MBOAT1: variants seen among roughly 807,000 people sequenced by gnomAD.
MBOAT1 encodes the protein membrane-bound glycerophospholipid O-acyltransferase 1.
MBOAT1 carries 67 observed loss-of-function variants against 64.4 expected under a neutral mutation model. That is an observed-to-expected ratio of 1.04 (90% CI 0.85 to 1.27). MBOAT1 has a LOEUF of 1.27. Among genes scored for constraint, MBOAT1 ranks in the 50% most tolerant of loss-of-function variants. The probability of loss-of-function intolerance (pLI) is 0.00; values close to 1 mark genes in which losing one functional copy is unlikely to be tolerated. For synonymous variants in MBOAT1, 229 were observed against 218.9 expected, an observed-to-expected ratio of 1.05 and a Z score of -0.41; for missense variants, 563 against 604.6, an observed-to-expected ratio of 0.93 and a Z score of 0.72.
intron 1 of MBOAT1, among the ~76,000 whole-genome samples, chr6:20,209,730 C>T (rs1371706260): frequency 2.0e-5 from 3 of 152,218 alleles, no homozygotes; most frequent in African/African-American, 4.8e-5. Context: ...GGAGCAAACA[C>T]GTATCAAGGC....
At chr6:20,152,500 C>T in intron 2 of MBOAT1, 124 bp downstream of exon 2, 1 of 987,308 alleles carries the variant, frequency 1.0e-6, no homozygotes, top group South Asian at 1.9e-5. Flanking sequence ...AAGGTATTTA[C>T]AATATAAAAT....
intron 3 of MBOAT1, 94 bp downstream of exon 3, chr6:20,151,091 A>T (rs577204279): frequency 6.7e-6 from 6 of 889,680 alleles, no homozygotes; most frequent in African/African-American, 6.7e-5. Context: ...ACTTGTGGAA[A>T]ATGGGTAAGG....
intron 1 of MBOAT1, among the ~76,000 whole-genome samples, chr6:20,196,357 C>G (rs1762955058): frequency 6.6e-6 from 1 of 152,102 alleles, no homozygotes; most frequent in Non-Finnish European, 1.5e-5. Flanking sequence ...AGACCACATA[C>G]TGTATGATTC....
intron 11 of MBOAT1, 61 bp from the exon 12 acceptor site, chr6:20,109,810 C>G: frequency 6.4e-7 from 1 of 1,556,574 alleles, no homozygotes; most frequent in Non-Finnish European, 8.7e-7. Flanking sequence ...ACAACTTTTA[C>G]TCTGTGCATG....
intron 1 of MBOAT1, among the ~76,000 whole-genome samples, chr6:20,196,613 C>G (rs949501083): frequency 6.6e-6 from 1 of 152,144 alleles, no homozygotes; most frequent in Non-Finnish European, 1.5e-5. Context: ...GTAATCCCAG[C>G]AATTTGGGAG....
In MBOAT1 at chr6:20,101,572, T is replaced by C; in HGVS notation, c.*714A>G. 6.6e-6 allele frequency among the ~76,000 whole-genome samples: 1 copy of C among 152,154 alleles called. No individual in the cohort carries two copies. The highest frequency in any genetic ancestry group is 1.9e-4 in the East Asian group (1 of 5,174). On this transcript the variant is annotated 3_prime_UTR_variant, in exon 13 of 13. Coordinates refer to ENST00000324607, the MANE Select transcript of MBOAT1 (RefSeq NM_001080480.3). ...ACCACTATGACTGAGTATATTCTGA[T>C]TTGAGAAACCTGTGACAAGTCTTCT...
At chr6:20,143,305 G>A (rs903661326) in intron 4 of MBOAT1, among the ~76,000 whole-genome samples, 1 of 152,198 alleles carries the variant, frequency 6.6e-6, no homozygotes, top group African/African-American at 2.4e-5. Context: ...TCTTTACCAT[G>A]TGACCAATCA....
At chr6:20,193,068 A>G (rs1187285208) in intron 1 of MBOAT1, among the ~76,000 whole-genome samples, 3 of 119,446 alleles carry the variant, frequency 2.5e-5, no homozygotes, top group Non-Finnish European at 4.8e-5. Context: ...TGCAGTGGCG[A>G]GATCTCGGCT....
chr6:20,149,654 G>A (rs763595516), intron 3 of MBOAT1, among the ~76,000 whole-genome samples: 5 of 152,152 alleles, frequency 3.3e-5, no homozygotes, highest in Non-Finnish European at 7.3e-5. Flanking sequence ...GCAGGGCACT[G>A]AGAAGAGAGA....
At chr6:20,201,293 C>T (rs1763117252) in intron 1 of MBOAT1, among the ~76,000 whole-genome samples, 2 of 150,662 alleles carry the variant, frequency 1.3e-5, no homozygotes. Context: ...TCTGTATATA[C>T]AGACATGAAT....
At chr6:20,132,888 C>A (rs1389892078) in intron 4 of MBOAT1, among the ~76,000 whole-genome samples, 2 of 152,188 alleles carry the variant, frequency 1.3e-5, no homozygotes. Context: ...CACTTTTAGG[C>A]CACATCCGAT....
chr6:20,118,134 C>T (rs1561748924), intron 9 of MBOAT1, among the ~76,000 whole-genome samples: 1 of 152,060 alleles, frequency 6.6e-6, no homozygotes, highest in African/African-American at 2.4e-5. Flanking sequence ...GACACTGGTA[C>T]TTTCTAGTTG....
At chr6:20,134,057 A>G (rs1345714866) in intron 4 of MBOAT1, among the ~76,000 whole-genome samples, 1 of 152,172 alleles carries the variant, frequency 6.6e-6, no homozygotes, top group Non-Finnish European at 1.5e-5. Flanking sequence ...CTGTCTTAGA[A>G]CTGCACTCCA....
intron 3 of MBOAT1, among the ~76,000 whole-genome samples, chr6:20,145,568 T>G (rs548937463): frequency 6.6e-6 from 1 of 152,346 alleles, no homozygotes; most frequent in East Asian, 1.9e-4. Context: ...AAGTCTCCAG[T>G]GGATCCCACT....
At chr6:20,110,565 A>C (rs146319565) in intron 11 of MBOAT1, among the ~76,000 whole-genome samples, 62 of 151,986 alleles carry the variant, frequency 4.1e-4, no homozygotes, top group South Asian at 1.2e-3. Flanking sequence ...TGTTCACTGT[A>C]GAAAAATGGT....
In MBOAT1 at chr6:20,112,933, G is replaced by A; in HGVS notation, c.1152C>T (p.Tyr384=). ...TTAAGAAGGTAAAATAGTATCCAGG[G>A]TAGACACCATGCCACAAAGCAGACA... is the stretch of plus-strand genomic sequence containing the variant. ...FILSALWHGV[Y]PGYYFTFLTG... Residue 384 remains tyrosine (Y), a synonymous_variant, in exon 11 of 13, where the codon TAC becomes TAT. Transcript: ENST00000324607. 6.2e-7 allele frequency: 1 copy of A among 1,614,122 alleles called. No homozygotes were observed.
At chr6:20,192,991 A>ATTTTTTT (rs1238333593) in intron 1 of MBOAT1, among the ~76,000 whole-genome samples, 1 of 59,864 alleles carries the variant, frequency 1.7e-5, no homozygotes, top group Non-Finnish European at 3.8e-5. Flanking sequence ...GTATGCTATA[A>ATTTTTTT]TTTCTTTTTT....
In MBOAT1 at chr6:20,116,054, G is replaced by A. The variant is rs879793379; in HGVS notation, c.1012-702C>T. Among the ~76,000 whole-genome samples, 5 of 151,964 alleles carry A rather than the reference G, an allele frequency of 3.3e-5. No homozygotes were observed. The South Asian group carries it at 6.2e-4, about 19-fold the overall frequency. ...TAGTGATAAAAAGCATGATGCAGCC[G>A]GGCGTGGTGGCTCATGCCTGCAATC... On this transcript the variant is annotated intron_variant, in intron 9 of 12. Transcript: ENST00000324607.
intron 4 of MBOAT1, among the ~76,000 whole-genome samples, chr6:20,132,314 A>G (rs1224935355): frequency 6.6e-6 from 1 of 152,242 alleles, no homozygotes; most frequent in Non-Finnish European, 1.5e-5. Context: ...TTCATCTAAA[A>G]ATGCTCTACT....
Sources: allele counts gnomAD v4.1 joint callset (sites outside exome capture counted in the v4.1 genomes callset), GRCh38; gene constraint gnomAD v4.1.1; transcripts MANE v1.5; gene names NCBI Gene and HGNC (gene_info 2026-07-23, HGNC 2026-07-21).